DDHD2: variants seen among roughly 807,000 people sequenced by gnomAD.
DDHD2 encodes DDHD domain containing 2.
A neutral mutation model predicts 91.2 loss-of-function variants in DDHD2; 62 were observed. That is an observed-to-expected ratio of 0.68 (90% CI 0.55 to 0.84). The LOEUF (loss-of-function observed/expected upper bound fraction) is 0.84, where lower values mean the gene tolerates loss of function less well. DDHD2 is among the 40% of genes least tolerant of loss of function. The pLI, the probability that DDHD2 is intolerant of heterozygous loss-of-function variation, is 0.00. For missense variants in DDHD2, 740 were observed against 846.9 expected (o/e 0.87, Z 1.57); for synonymous variants, 271 against 293.9 (o/e 0.92, Z 0.80).
chr8:38,243,149 C>G (rs1421811584), intron 7 of DDHD2, among the ~76,000 whole-genome samples: 1 of 152,106 alleles, frequency 6.6e-6, no homozygotes, highest in Non-Finnish European at 1.5e-5. Flanking sequence ...TGAGCAGATG[C>G]TAAGAGGTTA....
chr8:38,244,758 G>A (rs1805495035), intron 7 of DDHD2, among the ~76,000 whole-genome samples: 1 of 150,774 alleles, frequency 6.6e-6, no homozygotes, highest in Admixed American at 6.6e-5. Context: ...TAGAGACGGG[G>A]TTTCACTCTG....
Position 38,262,207 on chromosome 8 carries a change from T to C in DDHD2, c.*1634T>C, listed in dbSNP as rs1377681835. On this transcript the variant is annotated 3_prime_UTR_variant, in exon 18 of 18. Coordinates refer to ENST00000397166, the MANE Select transcript of DDHD2 (RefSeq NM_015214.3). ...TATATAAACTCTGAGTTATTGAGAATTAAGTATTCACTGTATATTAAGGGG... is the reference window on the plus strand; with the variant it reads ...TATATAAACTCTGAGTTATTGAGAACTAAGTATTCACTGTATATTAAGGGG... The C allele has an allele frequency of 1.3e-5, 2 of 152,178 alleles. No homozygotes were observed. The highest frequency in any genetic ancestry group is 4.8e-5 in the African/African-American group (2 of 41,442). The allele number at this position is 152,178 out of a possible 1,614,324, so 9.4% of individuals were successfully genotyped here.
chr8:38,246,084 G>A, intron 8 of DDHD2, 134 bp downstream of exon 8: 1 of 1,125,572 alleles, frequency 8.9e-7, no homozygotes, highest in Non-Finnish European at 1.3e-6. Context: ...ATTTGGAAGG[G>A]GTTGGAAGGG....
At chr8:38,257,240 T>G (rs1463722249) in intron 16 of DDHD2, among the ~76,000 whole-genome samples, 1 of 89,836 alleles carries the variant, frequency 1.1e-5, no homozygotes, top group African/African-American at 4.1e-5. Flanking sequence ...GCCAACAAGT[T>G]TTTTTTTTTT....
At position 38,237,525 on chromosome 8, in the gene DDHD2, GTTTTC is replaced by G. The variant is rs1368148087; in HGVS notation, c.412-8_412-4del. 1 of 1,470,684 alleles carries G rather than the reference GTTTTC, an allele frequency of 6.8e-7. No homozygotes were observed. Among genetic ancestry groups the G allele is most frequent in the African/African-American group, 1.4e-5 (1 of 71,558 alleles). The allele number at this position is 1,470,684 out of a possible 1,614,324, so 91.1% of individuals were successfully genotyped here. On this transcript the variant is annotated splice_region_variant and splice_polypyrimidine_tract_variant and intron_variant, in intron 3 of 17. Coordinates refer to ENST00000397166, the MANE Select transcript of DDHD2 (RefSeq NM_015214.3). ...CTACTAGAGAACTCTAATGAAATGT[GTTTTC>G]TTTTAAGGAAACTTACATGCTTGCT... is the stretch of plus-strand genomic sequence containing the variant.
At position 38,242,241 on chromosome 8, in the gene DDHD2, C is replaced by A. The variant is rs749400541; in HGVS notation, c.713-9C>A. ...CATTGTTGATGCATAAGTTAATTTTCTTTTCCAGTTAATGATTTTCGCAGT... is the reference window on the plus strand; with the variant it reads ...CATTGTTGATGCATAAGTTAATTTTATTTTCCAGTTAATGATTTTCGCAGT... On this transcript the variant is annotated splice_polypyrimidine_tract_variant and intron_variant, in intron 6 of 17. Transcript: ENST00000397166. The A allele has an allele frequency of 3.8e-6, 6 of 1,577,006 alleles. No homozygotes were observed. In the African/African-American group the frequency reaches 5.5e-5, roughly 14 times the overall value.
chr8:38,232,417 C>G lies in DDHD2; in HGVS notation c.-9+558C>G, dbSNP rs567147251. ...TGGGAGTGGGCGTGCGTGTGCGCAC[C>G]GTGGCCCCAGGCGAGGTTTCGTCTT... is the stretch of plus-strand genomic sequence containing the variant. On this transcript the variant is annotated intron_variant, in intron 1 of 17. Transcript: ENST00000397166. Among the ~76,000 whole-genome samples the G allele has an allele frequency of 1.9e-3, 297 of 152,360 alleles. 2 individuals carry two copies. The highest frequency in any genetic ancestry group is 6.5e-4 in the Non-Finnish European group (44 of 68,040).
chr8:38,249,853 A>C, intron 11 of DDHD2, 50 bp downstream of exon 11: 1 of 1,284,998 alleles, frequency 7.8e-7, no homozygotes, highest in South Asian at 1.3e-5. Context: ...TGATGTCCAT[A>C]GTGTGTCCTT....
chr8:38,238,901 G>A (rs1563300708), intron 5 of DDHD2: 1 of 164,074 alleles, frequency 6.1e-6, no homozygotes, highest in Non-Finnish European at 1.3e-5. Context: ...GATGATGTAT[G>A]TAGTCTGCTT....
rs774132901 is a variant in DDHD2 at position 38,245,803 on chromosome 8, A to G, written c.910A>G (p.Ile304Val). Residue 304 changes from isoleucine (I) to valine (V), a missense_variant, in exon 8 of 18, where the codon ATT (isoleucine) becomes GTT (valine). This residue lies in a region of DDHD2 where 693 missense variants were observed against 764.2 expected (regional missense o/e 0.91). Transcript: ENST00000397166. ...NRLRHFTNDT[I>V]LDVFFYNSPT... ...CCTCAGGCACTTCACCAATGACACAATTCTGGATGTCTTCTTCTACAATAG... is the reference window on the plus strand; with the variant it reads ...CCTCAGGCACTTCACCAATGACACAGTTCTGGATGTCTTCTTCTACAATAG... 1.9e-6 allele frequency: 3 copies of G among 1,614,176 alleles called. No individual in the cohort carries two copies. The highest frequency in any genetic ancestry group is 1.3e-5 in the African/African-American group (1 of 75,044).
downstream of DDHD2, chr8:38,266,367 A>AT (rs1807588018): frequency 1.0e-5 from 15 of 1,466,812 alleles, no homozygotes; most frequent in Admixed American, 2.3e-4. Flanking sequence ...TACCTCATTC[A>AT]TCCCCACATA....
At chr8:38,250,273 T>TC (rs200081964) in intron 11 of DDHD2, 30,579 of 151,324 alleles carry the variant, frequency 0.2, 3,385 homozygotes, top group East Asian at 0.31. Context: ...CTTTTTTTTT[T>TC]CTTTTCCTGG....
At chr8:38,264,106 C>T (rs930279783), downstream of DDHD2, 16 of 997,580 alleles carry the variant, frequency 1.6e-5, no homozygotes, top group Admixed American at 6.0e-5. Context: ...GTGCATGGTC[C>T]GGTTAGGAGG....
chr8:38,259,531 G>T (rs1297736445), intron 16 of DDHD2, among the ~76,000 whole-genome samples: 1 of 152,016 alleles, frequency 6.6e-6, no homozygotes, highest in African/African-American at 2.4e-5. Flanking sequence ...GACTACAGGC[G>T]CATACCACCA....
chr8:38,244,006 T>C (rs1732728591), intron 7 of DDHD2, among the ~76,000 whole-genome samples: 1 of 151,954 alleles, frequency 6.6e-6, no homozygotes, highest in South Asian at 2.1e-4. Context: ...TTTCTCCACG[T>C]TGGTCAGGCT....
downstream of DDHD2, chr8:38,267,145 A>AG (rs940030700): frequency 1.2e-5 from 19 of 1,572,010 alleles, no homozygotes; most frequent in African/African-American, 9.4e-5. Flanking sequence ...TTACTAAAGA[A>AG]GGGGGGATTT....
intron 2 of DDHD2, among the ~76,000 whole-genome samples, chr8:38,234,111 A>G (rs938979462): frequency 6.6e-6 from 1 of 152,138 alleles, no homozygotes; most frequent in Non-Finnish European, 1.5e-5. Flanking sequence ...GAAAAATCAC[A>G]TTATATAATT....
At chr8:38,249,678 A>C (rs1805951995) in intron 10 of DDHD2, 30 bp from the exon 11 acceptor site, 4 of 1,531,466 alleles carry the variant, frequency 2.6e-6, no homozygotes, top group Middle Eastern at 3.9e-4. Context: ...TTTGTCTAGA[A>C]ATAAGAAAGA....
At chr8:38,264,150 AAT>A, downstream of DDHD2, 1 of 1,039,654 alleles carries the variant, frequency 9.6e-7, no homozygotes, top group Non-Finnish European at 1.2e-6. Context: ...AGATAGATTC[AAT>A]TTTTTTTTTT....
Sources: allele counts gnomAD v4.1 joint callset (sites outside exome capture counted in the v4.1 genomes callset), GRCh38; gene constraint gnomAD v4.1.1; regional missense constraint gnomAD v4.1.1; transcripts MANE v1.5; gene names NCBI Gene and HGNC (gene_info 2026-07-23, HGNC 2026-07-21).